The following ZNRF3 variants were observed in gnomAD, a reference collection of about 807,000 sequenced individuals.
ZNRF3 encodes the protein E3 ubiquitin-protein ligase ZNRF3.
ZNRF3 carries 23 observed loss-of-function variants against 72.5 expected under a neutral mutation model. That is an observed-to-expected ratio of 0.32 (90% confidence interval 0.23 to 0.45). ZNRF3 has a LOEUF of 0.45. Ranked by LOEUF, ZNRF3 falls within the 20% of genes least tolerant of loss-of-function variation. ZNRF3 has a pLI of 1.00. For missense variants in ZNRF3, 1,169 were observed against 1,272.1 expected, an observed-to-expected ratio of 0.92 and a Z score of 1.23; for synonymous variants, 610 against 545.3, an observed-to-expected ratio of 1.12 and a Z score of -1.65.
intron 1 of ZNRF3, among the ~76,000 whole-genome samples, chr22:28,946,598 T>C (rs909058839): frequency 1.3e-5 from 2 of 152,200 alleles, no homozygotes; most frequent in African/African-American, 4.8e-5. Flanking sequence ...ACTTGGGAGC[T>C]TTCTGTTTGA....
chr22:28,909,747 A>ATTTTTTT (rs11432409), intron 1 of ZNRF3, among the ~76,000 whole-genome samples: 1 of 113,880 alleles, frequency 8.8e-6, no homozygotes. Flanking sequence ...TGCCTGGCTA[A>ATTTTTTT]TTTTTTTTTT....
At chr22:28,970,993 A>C (rs536164883) in intron 1 of ZNRF3, among the ~76,000 whole-genome samples, 2 of 152,262 alleles carry the variant, frequency 1.3e-5, no homozygotes, top group South Asian at 4.1e-4. Flanking sequence ...TTATCAGTAA[A>C]TGATTAGTTT....
chr22:28,947,353 T>C (rs908420547), intron 1 of ZNRF3, among the ~76,000 whole-genome samples: 1 of 152,214 alleles, frequency 6.6e-6, no homozygotes, highest in Non-Finnish European at 1.5e-5. Flanking sequence ...ATGTTTTCAT[T>C]TCTCTTGGGT....
In ZNRF3 at chr22:29,055,592, G is replaced by C. The variant is rs1007657455; in HGVS notation, c.*1970G>C. ...TGCAGTCCCTTGGGGGCTGCTCCTC[G>C]GACTGCGCCCCGCACACCTGTTATC... On this transcript the variant is annotated 3_prime_UTR_variant, in exon 9 of 9. Transcript: ENST00000544604. 6.6e-6 allele frequency: 1 copy of C among 152,202 alleles called. No individual in the cohort carries two copies. The highest frequency in any genetic ancestry group is 1.5e-5 in the Non-Finnish European group (1 of 68,036). The allele number at this position is 152,202 out of a possible 1,614,324, so 9.4% of individuals were successfully genotyped here.
chr22:28,898,287 G>A (rs760374469), intron 1 of ZNRF3, among the ~76,000 whole-genome samples: 3 of 152,130 alleles, frequency 2.0e-5, no homozygotes, highest in Non-Finnish European at 4.4e-5. Flanking sequence ...TGTGATTGTC[G>A]CAACTATTTG....
rs907728835 is a variant in ZNRF3, at chr22:28,917,381, C to T, written c.300+33315C>T. ...ACTCCTCAGGAGGCTGTGTTGTCAG[C>T]CATCTGTGCACAGAAGTTTGCTGCA... On this transcript the variant is annotated intron_variant, in intron 1 of 8. Coordinates refer to ENST00000544604, the MANE Select transcript of ZNRF3 (RefSeq NM_001206998.2). The T allele has an allele frequency of 4.9e-5, 48 of 984,490 alleles. No homozygotes were observed. The African/African-American group carries it at 8.0e-4, about 16-fold the overall frequency. The allele number at this position is 984,490 out of a possible 1,614,324, so 61.0% of individuals were successfully genotyped here. A position where few individuals can be genotyped will look rare whatever the true frequency, so the allele number is the denominator to read the frequency against.
intron 1 of ZNRF3, among the ~76,000 whole-genome samples, chr22:28,943,473 G>A (rs2042431509): frequency 6.6e-6 from 1 of 152,110 alleles, no homozygotes; most frequent in African/African-American, 2.4e-5. Flanking sequence ...GCGTCCCTCA[G>A]CCTGTGTTTT....
At chr22:28,929,982 T>A (rs1045336526) in intron 1 of ZNRF3, among the ~76,000 whole-genome samples, 1 of 152,174 alleles carries the variant, frequency 6.6e-6, no homozygotes, top group Non-Finnish European at 1.5e-5. Flanking sequence ...ATAAAAAACA[T>A]TTAAAAAGAA....
chr22:29,018,596 C>G (rs1388880076), intron 2 of ZNRF3: 1 of 152,588 alleles, frequency 6.6e-6, no homozygotes, highest in Non-Finnish European at 1.5e-5. Flanking sequence ...AGAGTATAGA[C>G]TAGGAAGAGA....
At chr22:29,019,489 G>GGT (rs1424786307) in intron 2 of ZNRF3, among the ~76,000 whole-genome samples, 7 of 152,112 alleles carry the variant, frequency 4.6e-5, no homozygotes, top group African/African-American at 1.4e-4. Context: ...GAAAGCTGAA[G>GGT]GTAGTACAGG....
At chr22:28,887,546 G>T (rs1238414875) in intron 1 of ZNRF3, among the ~76,000 whole-genome samples, 1 of 152,062 alleles carries the variant, frequency 6.6e-6, no homozygotes, top group African/African-American at 2.4e-5. Context: ...TCTGAATGAA[G>T]AATTTTTTTT....
chr22:29,020,249 C>CTTTTTT (rs756716817), intron 2 of ZNRF3, among the ~76,000 whole-genome samples: 18 of 91,768 alleles, frequency 2.0e-4, no homozygotes, highest in African/African-American at 5.7e-4. Flanking sequence ...CACAACCATC[C>CTTTTTT]TTTTTTTTTT....
At chr22:29,032,855 TGTGATGTCATAA>T (rs2123873151) in intron 2 of ZNRF3, among the ~76,000 whole-genome samples, 1 of 152,302 alleles carries the variant, frequency 6.6e-6, no homozygotes, top group African/African-American at 2.4e-5. Flanking sequence ...ACAATGACAG[TGTGATGTCATAA>T]GTGCCACAGT....
intron 1 of ZNRF3, among the ~76,000 whole-genome samples, chr22:28,913,082 T>C (rs1436613844): frequency 1.3e-5 from 2 of 152,248 alleles, no homozygotes; most frequent in Non-Finnish European, 2.9e-5. Context: ...AAAATAGATG[T>C]ATACTTTCTT....
At chr22:28,892,286 T>C (rs981106707) in intron 1 of ZNRF3, among the ~76,000 whole-genome samples, 4 of 152,062 alleles carry the variant, frequency 2.6e-5, no homozygotes, top group Non-Finnish European at 5.9e-5. Context: ...TGAGTGTAGG[T>C]GTCCAGACAG....
chr22:28,960,619 AG>A (rs1464897320), intron 1 of ZNRF3, among the ~76,000 whole-genome samples: 1 of 152,252 alleles, frequency 6.6e-6, no homozygotes, highest in African/African-American at 2.4e-5. Context: ...ATTTTTAAAA[AG>A]GGATAGTTGG....
chr22:28,898,836 G>A (rs754067309), intron 1 of ZNRF3, among the ~76,000 whole-genome samples: 5 of 150,334 alleles, frequency 3.3e-5, no homozygotes, highest in Non-Finnish European at 5.9e-5. Context: ...TTTAGCAAAC[G>A]TTTGATTTTC....
At chr22:29,017,963 A>C in intron 2 of ZNRF3, 1 of 518,908 alleles carries the variant, frequency 1.9e-6, no homozygotes, top group Non-Finnish European at 3.8e-6. Context: ...ACAGCAGTTG[A>C]GGTAACATGA....
chr22:28,904,235 A>G (rs1036533550), intron 1 of ZNRF3, among the ~76,000 whole-genome samples: 3 of 152,298 alleles, frequency 2.0e-5, no homozygotes, highest in South Asian at 2.1e-4. Context: ...TGCTATTTTA[A>G]TACTGTTCTT....
Sources: allele counts gnomAD v4.1 joint callset (sites outside exome capture counted in the v4.1 genomes callset), GRCh38; gene constraint gnomAD v4.1.1; transcripts MANE v1.5; gene names NCBI Gene and HGNC (gene_info 2026-07-23, HGNC 2026-07-21).